RAB5C: variants seen among roughly 807,000 people sequenced by gnomAD.
RAB5C encodes the protein ras-related protein Rab-5C.
In RAB5C, 4 loss-of-function variants were observed where a neutral mutation model predicts 25.2. The ratio of observed to expected loss-of-function variants is 0.16; its 90% CI spans 0.08 to 0.36. The LOEUF (loss-of-function observed/expected upper bound fraction) is 0.36. Ranked by LOEUF, RAB5C falls within the 10% of genes least tolerant of loss-of-function variation. RAB5C has a pLI of 1.00. For missense variants in RAB5C, 199 were observed against 283.8 expected (o/e 0.70, Z 2.15); for synonymous variants, 100 against 106.4 (o/e 0.94, Z 0.37).
At chr17:42,146,930 C>A (rs1484441503) in intron 1 of RAB5C, among the ~76,000 whole-genome samples, 3 of 150,756 alleles carry the variant, frequency 2.0e-5, no homozygotes, top group Non-Finnish European at 4.4e-5. Flanking sequence ...GGCATGAACC[C>A]GGGAGCTTGC....
intron 1 of RAB5C, among the ~76,000 whole-genome samples, chr17:42,142,821 G>A (rs888742605): frequency 1.3e-5 from 2 of 152,248 alleles, no homozygotes; most frequent in East Asian, 1.9e-4. Context: ...CCCTGAGCCC[G>A]CCAACAGCCA....
At chr17:42,132,399 C>A (rs1456519823) in intron 1 of RAB5C, among the ~76,000 whole-genome samples, 3 of 152,196 alleles carry the variant, frequency 2.0e-5, no homozygotes, top group African/African-American at 7.2e-5. Context: ...TATGTCATTT[C>A]AATTTTTCAT....
At chr17:42,142,737 CAG>C (rs765911716) in intron 1 of RAB5C, among the ~76,000 whole-genome samples, 1 of 152,190 alleles carries the variant, frequency 6.6e-6, no homozygotes, top group Non-Finnish European at 1.5e-5. Context: ...TACACATTTT[CAG>C]AGAGATGACA....
chr17:42,141,836 TA>T (rs1356597453), intron 1 of RAB5C, among the ~76,000 whole-genome samples: 4 of 152,134 alleles, frequency 2.6e-5, no homozygotes, highest in African/African-American at 9.7e-5. Context: ...AAGCATTCAG[TA>T]CATGTTCTGT....
At chr17:42,143,623 T>TG (rs1373407325) in intron 1 of RAB5C, among the ~76,000 whole-genome samples, 2,119 of 151,906 alleles carry the variant, frequency 0.014, 29 homozygotes, top group African/African-American at 0.042. Context: ...GGGGACAGAG[T>TG]GAGTCTGTCT....
chr17:42,147,054 A>AAAAGAAAGAAAGAAAGAAAAAG (rs968965541), intron 1 of RAB5C, among the ~76,000 whole-genome samples: 7 of 150,874 alleles, frequency 4.6e-5, no homozygotes, highest in Admixed American at 2.0e-4. Context: ...GAAAGACAGA[A>AAAAGAAAGAAAGAAAGAAAAAG]AAAGAAAGAA....
intron 1 of RAB5C, among the ~76,000 whole-genome samples, chr17:42,135,690 G>A (rs979550869): frequency 6.6e-6 from 1 of 152,158 alleles, no homozygotes; most frequent in African/African-American, 2.4e-5. Context: ...ACTAGATGCT[G>A]CTGCAATTCC....
chr17:42,130,962 TTAAAA>T (rs1441831027), intron 1 of RAB5C, among the ~76,000 whole-genome samples: 1 of 151,730 alleles, frequency 6.6e-6, no homozygotes, highest in Non-Finnish European at 1.5e-5. Flanking sequence ...TGGGGCAAAA[TTAAAA>T]CAAAACAAAA....
intron 3 of RAB5C, 71 bp from the exon 4 acceptor site, chr17:42,128,454 C>A: frequency 6.5e-7 from 1 of 1,529,702 alleles, no homozygotes; most frequent in African/African-American, 1.4e-5. Flanking sequence ...ATTAGAGACT[C>A]TCAAGCTGGC....
At chr17:42,132,645 C>T (rs1336878948) in intron 1 of RAB5C, among the ~76,000 whole-genome samples, 2 of 151,930 alleles carry the variant, frequency 1.3e-5, no homozygotes. Context: ...CTGCCTCAGC[C>T]TCCAGCAGGT....
In RAB5C at chr17:42,154,294, G is replaced by A. The variant is rs2079692078; in HGVS notation, c.-89+599C>T. Among the ~76,000 whole-genome samples, 2 of 152,170 alleles carry A rather than the reference G, an allele frequency of 1.3e-5. 1 individual carries two copies. Among genetic ancestry groups the A allele is most frequent in the South Asian group, 4.1e-4 (2 of 4,832 alleles). On this transcript the variant is annotated intron_variant, in intron 1 of 5. Coordinates refer to ENST00000346213, the MANE Select transcript of RAB5C (RefSeq NM_004583.4). ...AGAGGACAGGGCTGGGAGACAGAAG[G>A]GGCAAAACAGGAAAACAGCTCATTT...
intron 1 of RAB5C, among the ~76,000 whole-genome samples, chr17:42,152,512 C>T (rs1232845562): frequency 2.0e-5 from 3 of 152,188 alleles, no homozygotes; most frequent in East Asian, 3.8e-4. Flanking sequence ...GGTGCAGTGG[C>T]TCATGCCTGT....
chr17:42,142,119 A>T (rs953434608), intron 1 of RAB5C, among the ~76,000 whole-genome samples: 2 of 151,912 alleles, frequency 1.3e-5, no homozygotes, highest in Non-Finnish European at 1.5e-5. Flanking sequence ...CCATCCAATA[A>T]ATCTGCATGG....
At chr17:42,142,378 A>C (rs2144087199) in intron 1 of RAB5C, among the ~76,000 whole-genome samples, 1 of 152,276 alleles carries the variant, frequency 6.6e-6, no homozygotes, top group East Asian at 1.9e-4. Flanking sequence ...TCCATCTCAA[A>C]GCCTCTTTCA....
Position 42,125,693 on chromosome 17 carries a change from G to T in RAB5C, c.*90C>A. 1 of 871,790 alleles carries T rather than the reference G, an allele frequency of 1.1e-6. No individual in the cohort carries two copies. Among genetic ancestry groups the T allele is most frequent in the Non-Finnish European group, 1.8e-6 (1 of 556,594 alleles). 54.0% of individuals were successfully genotyped at this position (871,790 alleles called of 1,614,324 possible). On this transcript the variant is annotated 3_prime_UTR_variant, in exon 6 of 6. Transcript: ENST00000346213. ...CCCTCCCCCTGCCCCCCCAGTGGTG[G>T]CCCGAGTCGTTAAGTGCGATTGGTT...
chr17:42,132,236 C>A (rs911743867), intron 1 of RAB5C, among the ~76,000 whole-genome samples: 6 of 152,198 alleles, frequency 3.9e-5, no homozygotes, highest in African/African-American at 1.4e-4. Context: ...AAGAATGATT[C>A]ACTAGCCAGA....
chr17:42,140,006 C>T (rs1251070954), intron 1 of RAB5C, among the ~76,000 whole-genome samples: 3 of 152,160 alleles, frequency 2.0e-5, no homozygotes, highest in African/African-American at 4.8e-5. Context: ...CATTTCTCAC[C>T]GGAATCTCAT....
intron 1 of RAB5C, among the ~76,000 whole-genome samples, chr17:42,141,217 G>A (rs1343218765): frequency 5.3e-5 from 8 of 152,212 alleles, no homozygotes; most frequent in Admixed American, 2.6e-4. Context: ...TTCAATGAGC[G>A]AATCACACTT....
At chr17:42,147,140 AAGAAAGAG>A (rs759920620) in intron 1 of RAB5C, among the ~76,000 whole-genome samples, 239 of 149,022 alleles carry the variant, frequency 1.6e-3, no homozygotes, top group African/African-American at 2.6e-3. Flanking sequence ...GAAAGAAAGA[AAGAAAGAG>A]AGAGAGAGAG....
Sources: allele counts gnomAD v4.1 joint callset (sites outside exome capture counted in the v4.1 genomes callset), GRCh38; gene constraint gnomAD v4.1.1; transcripts MANE v1.5; gene names NCBI Gene and HGNC (gene_info 2026-07-23, HGNC 2026-07-21).